A2M: variants seen among roughly 807,000 people sequenced by gnomAD.
A2M encodes alpha-2-macroglobulin.
In A2M, 128 loss-of-function variants were observed where a neutral mutation model predicts 183.9. The ratio of observed to expected loss-of-function variants is 0.70; its 90% CI spans 0.60 to 0.81. The LOEUF (loss-of-function observed/expected upper bound fraction) is 0.81, where lower values mean the gene tolerates loss of function less well. A2M is among the 30% of genes least tolerant of loss of function. The pLI, the probability that A2M is intolerant of heterozygous loss-of-function variation, is 0.00. For synonymous variants in A2M, 592 were observed against 670.8 expected, an observed-to-expected ratio of 0.88 and a Z score of 1.81; for missense variants, 1,495 against 1,787.6, an observed-to-expected ratio of 0.84 and a Z score of 2.95.
chr12:9,111,471 G>A (rs1292406973), intron 4 of A2M: 1 of 454,328 alleles, frequency 2.2e-6, no homozygotes, highest in Admixed American at 2.4e-5. Context: ...AGATGACATT[G>A]ACTAGGACTA....
At chr12:9,079,196 A>G (rs1948832693) in intron 25 of A2M, 48 bp downstream of exon 25, 1 of 1,460,222 alleles carries the variant, frequency 6.8e-7, no homozygotes, top group South Asian at 1.2e-5. Flanking sequence ...AATACATGTA[A>G]AAGAGCTGGC....
chr12:9,082,082 T>C (rs1275359541), intron 22 of A2M, among the ~76,000 whole-genome samples: 4 of 152,186 alleles, frequency 2.6e-5, no homozygotes, highest in Non-Finnish European at 5.9e-5. Context: ...GTGTATTTCA[T>C]AGAAGTGTAG....
chr12:9,115,677 G>T, intron 1 of A2M, 87 bp downstream of exon 1: 1 of 996,960 alleles, frequency 1.0e-6, no homozygotes, highest in Non-Finnish European at 1.6e-6. Flanking sequence ...CAGTATCATA[G>T]GAAAGAAAAA....
rs200161546 is a variant in A2M, at chr12:9,079,809, A to G, written c.2861T>C (p.Ile954Thr). 1.1e-5 allele frequency: 17 copies of G among 1,605,962 alleles called. No individual in the cohort carries two copies. In the African/African-American group the frequency reaches 2.0e-4, roughly 19 times the overall value. ...ARASVSVLGD[I>T]LGSAMQNTQN... is the part of the protein sequence containing the mutation. The stretch of plus-strand genomic sequence containing the variant: ...TGTGTTTTGCATGGCAGAGCCTAAT[A>G]TGTCTCCTAGAGAATGGGAGAGATG... The change falls in exon 24 of 36, where the codon ATA becomes ACA. Residue 954 changes from isoleucine (I) to threonine (T), a missense_variant. Transcript: ENST00000318602.
intron 25 of A2M, 112 bp downstream of exon 25, chr12:9,079,132 A>C: frequency 1.3e-6 from 1 of 780,442 alleles, no homozygotes; most frequent in South Asian, 2.1e-5. Context: ...AGTATAACAA[A>C]CCATCGGTCT....
At position 9,079,721 on chromosome 12, in the gene A2M, GT is replaced by G. The variant is rs1340236856; in HGVS notation, c.2948del (p.Asn983ThrfsTer8). Reference sequence around the variant, plus strand: ...CATTTAGATAATCCAGTACATAGATGTTAGGAGCAAAGAGGACCATATTCTG... The same window carrying G: ...CATTTAGATAATCCAGTACATAGATGTAGGAGCAAAGAGGACCATATTCTG... ...GEQNMVLFAP[N>X]IYVLDYLNET... On this transcript the variant is annotated frameshift_variant, in exon 24 of 36. Transcript: ENST00000318602. LOFTEE classifies it high-confidence loss of function. 8 of 1,613,592 alleles carry G rather than the reference GT, an allele frequency of 5.0e-6. No individual in the cohort carries two copies. The highest frequency in any genetic ancestry group is 6.8e-6 in the Non-Finnish European group (8 of 1,179,762).
chr12:9,102,514 C>T (rs1937957220), intron 11 of A2M, among the ~76,000 whole-genome samples: 1 of 152,152 alleles, frequency 6.6e-6, no homozygotes, highest in Non-Finnish European at 1.5e-5. Flanking sequence ...CCGTGCCTGG[C>T]CTAGGCTGAC....
Position 9,107,443 on chromosome 12 carries a change from G to T in A2M, c.879+81C>A, listed in dbSNP as rs1008756598. The T allele has an allele frequency of 5.7e-5, 87 of 1,527,436 alleles. No homozygotes were observed. In the African/African-American group the frequency reaches 1.2e-3, roughly 20 times the overall value. The allele number at this position is 1,527,436 out of a possible 1,614,324, so 94.6% of individuals were successfully genotyped here. A position where few individuals can be genotyped will look rare whatever the true frequency, so the allele number is the denominator to read the frequency against. On this transcript the variant is annotated intron_variant, in intron 8 of 35. Coordinates refer to ENST00000318602, the MANE Select transcript of A2M (RefSeq NM_000014.6). ...TTCTCTTCTAGATTGTTCTCTTCCT[G>T]CGTCAGAAAAATGCTGCAACTCACT...
At chr12:9,111,048 T>C (rs1455000332) in intron 4 of A2M, among the ~76,000 whole-genome samples, 1 of 152,166 alleles carries the variant, frequency 6.6e-6, no homozygotes, top group Non-Finnish European at 1.5e-5. Flanking sequence ...CATAGAATTC[T>C]TACGTAGTTC....
intron 24 of A2M, 91 bp downstream of exon 24, chr12:9,079,548 A>G: frequency 6.4e-6 from 8 of 1,255,398 alleles, no homozygotes; most frequent in Non-Finnish European, 9.0e-6. Context: ...AGCTAAGCTA[A>G]TGTATCATAA....
In A2M at chr12:9,095,583, GA is replaced by G. The variant is rs1167553337; in HGVS notation, c.1968del (p.Pro657GlnfsTer14). ...HNVYINGITY[T>X]PVSSTNEKDM... The stretch of plus-strand genomic sequence containing the variant: ...TCCTTTTCATTTGTACTTGATACTG[GA>G]GTATATGTGATTCCATTAATATAGA... On this transcript the variant is annotated frameshift_variant, in exon 16 of 36. Coordinates refer to ENST00000318602, the MANE Select transcript of A2M (RefSeq NM_000014.6). LOFTEE classifies it high-confidence loss of function. 6.2e-7 allele frequency: 1 copy of G among 1,611,852 alleles called. No homozygotes were observed. Among genetic ancestry groups the G allele is most frequent in the South Asian group, 1.1e-5 (1 of 90,986 alleles).
chr12:9,102,499 A>G (rs949646074), intron 11 of A2M, among the ~76,000 whole-genome samples: 1 of 152,098 alleles, frequency 6.6e-6, no homozygotes, highest in Non-Finnish European at 1.5e-5. Flanking sequence ...TACAGGCGTG[A>G]GCTACCGTGC....
intron 22 of A2M, among the ~76,000 whole-genome samples, chr12:9,086,609 C>T (rs1369329168): frequency 1.3e-5 from 2 of 152,160 alleles, no homozygotes; most frequent in African/African-American, 4.8e-5. Flanking sequence ...TGATAAAACT[C>T]TCACCAAATT....
chr12:9,077,006 C>T (rs748883749), intron 27 of A2M, 70 bp from the exon 28 acceptor site: 23 of 1,417,286 alleles, frequency 1.6e-5, no homozygotes, highest in Middle Eastern at 2.6e-4. Context: ...GGCAAATACA[C>T]GGATCACAGC....
chr12:9,076,986 A>T, intron 27 of A2M, 50 bp from the exon 28 acceptor site: 1 of 1,487,334 alleles, frequency 6.7e-7, no homozygotes, highest in Non-Finnish European at 9.0e-7. Context: ...CAGGCATATT[A>T]GCATTCCCAG....
intron 4 of A2M, 122 bp from the exon 5 acceptor site, chr12:9,110,456 T>C (rs199660464): frequency 1.9e-6 from 1 of 532,740 alleles, no homozygotes; most frequent in African/African-American, 2.0e-5. Context: ...AATAATTTAA[T>C]TGTACATTTA....
chr12:9,077,008 G>T, intron 27 of A2M, 72 bp from the exon 28 acceptor site: 1 of 1,415,910 alleles, frequency 7.1e-7, no homozygotes, highest in South Asian at 1.6e-5. Flanking sequence ...CAAATACACG[G>T]ATCACAGCAC....
Position 9,080,386 on chromosome 12 carries a change from T to C in A2M, c.2771-209A>G, listed in dbSNP as rs181907310. On this transcript the variant is annotated intron_variant, in intron 22 of 35. Transcript: ENST00000318602. Reference sequence around the variant, plus strand: ...TCAGAATTTCTTCTTCAATGATCTTTTCAGTAATTTATGTAGAATCGCATG... The same window carrying C: ...TCAGAATTTCTTCTTCAATGATCTTCTCAGTAATTTATGTAGAATCGCATG... 1.8e-3 allele frequency: 669 copies of C among 365,004 alleles called. 1 individual carries two copies. The highest frequency in any genetic ancestry group is 2.6e-3 in the Non-Finnish European group (534 of 204,814). 22.6% of individuals were successfully genotyped at this position (365,004 alleles called of 1,614,324 possible).
rs892125844 is a variant in A2M, at chr12:9,099,909, G to A, written c.1559-386C>T. Among the ~76,000 whole-genome samples the A allele has an allele frequency of 3.3e-5, 5 of 152,270 alleles. No homozygotes were observed. The South Asian group carries it at 6.2e-4, about 19-fold the overall frequency. ...TTAACCTTCTATGAGCCAATATTTG[G>A]TTCTTTCTCCATAAGAGGAACACCA... On this transcript the variant is annotated intron_variant, in intron 13 of 35. Coordinates refer to ENST00000318602, the MANE Select transcript of A2M (RefSeq NM_000014.6).
Sources: allele counts gnomAD v4.1 joint callset (sites outside exome capture counted in the v4.1 genomes callset), GRCh38; gene constraint gnomAD v4.1.1; transcripts MANE v1.5; gene names NCBI Gene and HGNC (gene_info 2026-07-23, HGNC 2026-07-21).